TMEM50A: variants seen among roughly 807,000 people sequenced by gnomAD.
TMEM50A encodes the protein transmembrane protein 50A.
In TMEM50A, 8 loss-of-function variants were observed where a neutral mutation model predicts 23.9. The observed-to-expected ratio is 0.33, with a 90% confidence interval of 0.20 to 0.60. TMEM50A has a LOEUF of 0.60. Ranked by LOEUF, TMEM50A falls within the 20% of genes least tolerant of loss-of-function variation. The probability of loss-of-function intolerance (pLI) is 0.81; values close to 1 mark genes in which losing one functional copy is unlikely to be tolerated. For synonymous variants in TMEM50A, 55 were observed against 60.4 expected (o/e 0.91, Z 0.41); for missense variants, 178 against 192.7 (o/e 0.92, Z 0.45).
intron 3 of TMEM50A, among the ~76,000 whole-genome samples, chr1:25,344,395 A>G (rs1029614602): frequency 6.6e-6 from 1 of 152,190 alleles, no homozygotes; most frequent in Non-Finnish European, 1.5e-5. Flanking sequence ...CAAATAGTAT[A>G]AGCACCATGA....
chr1:25,350,984 A>AC (rs1297759401), intron 3 of TMEM50A, among the ~76,000 whole-genome samples: 1 of 150,960 alleles, frequency 6.6e-6, no homozygotes, highest in African/African-American at 2.4e-5. Context: ...ACACGGTGAA[A>AC]CCCCATCTCT....
At chr1:25,346,248 CTTTT>C (rs762439097) in intron 3 of TMEM50A, among the ~76,000 whole-genome samples, 1 of 151,626 alleles carries the variant, frequency 6.6e-6, no homozygotes, top group East Asian at 1.9e-4. Context: ...GTGGGCCTTT[CTTTT>C]TTTTCTTTTC....
chr1:25,362,334 A>C lies in TMEM50A; in HGVS notation c.*1629A>C, dbSNP rs1645422841. 7.9e-7 allele frequency: 1 copy of C among 1,265,386 alleles called. No individual in the cohort carries two copies. Among genetic ancestry groups the C allele is most frequent in the Non-Finnish European group, 1.1e-6 (1 of 907,178 alleles). 78.4% of individuals were successfully genotyped at this position (1,265,386 alleles called of 1,614,324 possible). On this transcript the variant is annotated 3_prime_UTR_variant, in exon 7 of 7. Coordinates refer to ENST00000374358, the MANE Select transcript of TMEM50A (RefSeq NM_014313.4). ...CCTAATGAAACTAAACATTTATTTT[A>C]AACTTATTAAATTGACTCTTAAACT...
chr1:25,347,624 T>G lies in TMEM50A; in HGVS notation c.207-4002T>G, dbSNP rs540297047. On this transcript the variant is annotated intron_variant, in intron 3 of 6. Coordinates refer to ENST00000374358, the MANE Select transcript of TMEM50A (RefSeq NM_014313.4). ...TTGAAAATTACACACATTTTTAAAT[T>G]TTGCTACAGTTACTTAAGTGTAAAC... is the stretch of plus-strand genomic sequence containing the variant. Among the ~76,000 whole-genome samples the G allele has an allele frequency of 5.9e-5, 9 of 152,250 alleles. No individual in the cohort carries two copies. The South Asian group carries it at 1.9e-3, about 32-fold the overall frequency.
intron 2 of TMEM50A, 118 bp downstream of exon 2, chr1:25,340,697 A>G: frequency 1.5e-6 from 1 of 689,028 alleles, no homozygotes; most frequent in East Asian, 3.0e-5. Flanking sequence ...CACTTTGACC[A>G]TGTTGATATT....
At chr1:25,358,421 T>A (rs1645359832) in intron 6 of TMEM50A, among the ~76,000 whole-genome samples, 1 of 152,190 alleles carries the variant, frequency 6.6e-6, no homozygotes, top group South Asian at 2.1e-4. Flanking sequence ...TGATGTATAT[T>A]ACAGGACCTT....
At chr1:25,357,608 CAGTG>C (rs1213484975) in intron 6 of TMEM50A, among the ~76,000 whole-genome samples, 1 of 84,276 alleles carries the variant, frequency 1.2e-5, no homozygotes, top group Non-Finnish European at 2.5e-5. Flanking sequence ...GTCTCTCACC[CAGTG>C]TGTGTGTGTG....
chr1:25,340,527 T>C lies in TMEM50A; in HGVS notation c.41T>C (p.Ile14Thr). The stretch of plus-strand genomic sequence containing the variant: ...GAGGGCTTGAGATGCTCAGAATGCA[T>C]TGACTGGGGGGAAAAGCGCAATACT... ...FLEGLRCSEC[I>T]DWGEKRNTIA... The change falls in exon 2 of 7, where the codon ATT becomes ACT. Residue 14 changes from isoleucine (I) to threonine (T), a missense_variant. Transcript: ENST00000374358. 6.2e-7 allele frequency: 1 copy of C among 1,613,944 alleles called. No individual in the cohort carries two copies. The highest frequency in any genetic ancestry group is 1.1e-5 in the South Asian group (1 of 91,046).
In TMEM50A at chr1:25,360,662, G is replaced by A; in HGVS notation, c.431G>A (p.Gly144Glu). The stretch of plus-strand genomic sequence containing the variant: ...GATATTTCTTGTTTTATTCACAGAG[G>A]GCTGGTTTTTAAGTTTGGCCGCACT... ...FFQNAFIFFGGLVFKFGRTED... is the reference protein window; with the variant it reads ...FFQNAFIFFGELVFKFGRTED... The change falls in exon 7 of 7, where the codon GGG becomes GAG. Residue 144 changes from glycine (G) to glutamate (E), a missense_variant and splice_region_variant. Coordinates refer to ENST00000374358, the MANE Select transcript of TMEM50A (RefSeq NM_014313.4). 1 of 1,613,962 alleles carries A rather than the reference G, an allele frequency of 6.2e-7. No homozygotes were observed. The highest frequency in any genetic ancestry group is 8.5e-7 in the Non-Finnish European group (1 of 1,179,962).
intron 3 of TMEM50A, among the ~76,000 whole-genome samples, chr1:25,346,198 C>T (rs916040837): frequency 6.6e-6 from 1 of 151,784 alleles, no homozygotes; most frequent in African/African-American, 2.4e-5. Context: ...GCCTTTGTTT[C>T]CTTAATTATG....
At chr1:25,357,405 T>C (rs1004878676) in intron 6 of TMEM50A, among the ~76,000 whole-genome samples, 5 of 152,178 alleles carry the variant, frequency 3.3e-5, no homozygotes, top group Non-Finnish European at 5.9e-5. Context: ...CCTAGAAATT[T>C]AGGGCCTGCC....
In TMEM50A at chr1:25,340,663, T is replaced by C; in HGVS notation, c.93+84T>C. On this transcript the variant is annotated intron_variant, in intron 2 of 6. Coordinates refer to ENST00000374358, the MANE Select transcript of TMEM50A (RefSeq NM_014313.4). ...GAATTCTGCAGGATGTTTTAAAATA[T>C]GTACTATTTATTTTATCTTTGACCA... 4 of 992,094 alleles carry C rather than the reference T, an allele frequency of 4.0e-6. No homozygotes were observed. The South Asian group carries it at 4.8e-5, about 12-fold the overall frequency. The allele number at this position is 992,094 out of a possible 1,614,324, so 61.5% of individuals were successfully genotyped here.
chr1:25,360,391 A>G (rs1645386910), intron 6 of TMEM50A, among the ~76,000 whole-genome samples: 1 of 152,170 alleles, frequency 6.6e-6, no homozygotes, highest in African/African-American at 2.4e-5. Flanking sequence ...TTACATAGTA[A>G]ACACTGGTAA....
At chr1:25,350,115 A>C (rs1645261592) in intron 3 of TMEM50A, among the ~76,000 whole-genome samples, 1 of 152,244 alleles carries the variant, frequency 6.6e-6, no homozygotes, top group African/African-American at 2.4e-5. Context: ...TCTCTATTCG[A>C]TAATATCTTC....
chr1:25,346,470 A>G (rs1175927238), intron 3 of TMEM50A, among the ~76,000 whole-genome samples: 2 of 152,072 alleles, frequency 1.3e-5, no homozygotes, highest in Admixed American at 6.5e-5. Flanking sequence ...ATCATAACAC[A>G]CTACTGTCTC....
rs540240098 is a variant in TMEM50A at position 25,358,937 on chromosome 1, TAG to T, written c.429-1719_429-1718del. Among the ~76,000 whole-genome samples the T allele has an allele frequency of 2.0e-4, 31 of 152,366 alleles. No individual in the cohort carries two copies. In the East Asian group the frequency reaches 5.8e-3, roughly 28 times the overall value. On this transcript the variant is annotated intron_variant, in intron 6 of 6. Transcript: ENST00000374358. ...GCCTGACTAATTTTTGTATTTTTTG[TAG>T]AGACGGGGTTTTGCCATGTTGCCCA...
chr1:25,352,058 C>T (rs1320688516), intron 4 of TMEM50A, among the ~76,000 whole-genome samples: 1 of 152,152 alleles, frequency 6.6e-6, no homozygotes, highest in Non-Finnish European at 1.5e-5. Context: ...ATGCAACCTT[C>T]CTAAGTTCTA....
intron 3 of TMEM50A, among the ~76,000 whole-genome samples, chr1:25,349,854 C>G (rs879855370): frequency 4.6e-5 from 7 of 152,320 alleles, no homozygotes; most frequent in Non-Finnish European, 8.8e-5. Flanking sequence ...GGCTCCTGTC[C>G]TCATGAAGCT....
rs753186913 is a variant in TMEM50A at position 25,340,538 on chromosome 1, G to C, written c.52G>C (p.Glu18Gln). ...ATGCTCAGAATGCATTGACTGGGGG[G>C]AAAAGCGCAATACTATTGCTTCCAT... The part of the protein sequence containing the change: ...LRCSECIDWG[E>Q]KRNTIASIAA... The change falls in exon 2 of 7, where the codon GAA (glutamate) becomes CAA (glutamine). Residue 18 changes from glutamate (E) to glutamine (Q), a missense_variant. Glu to Gln is a conservative substitution (Grantham distance 29). Transcript: ENST00000374358. The C allele has an allele frequency of 1.2e-6, 2 of 1,613,958 alleles. No homozygotes were observed. The highest frequency in any genetic ancestry group is 1.7e-6 in the Non-Finnish European group (2 of 1,179,932).
Sources: gnomAD v4.1 joint callset for allele counts (sites outside exome capture counted in the v4.1 genomes callset) on GRCh38, gnomAD v4.1.1 for gene constraint, MANE v1.5 for transcripts, NCBI Gene and HGNC (gene_info 2026-07-23, HGNC 2026-07-21) for gene names.